The following CAST variants were observed in gnomAD, a reference collection of about 807,000 sequenced individuals.
CAST encodes calpastatin, also known as MIR583 host.
In CAST, 76 loss-of-function variants were observed where a neutral mutation model predicts 119.6. That is an observed-to-expected ratio of 0.64 (90% CI 0.53 to 0.77). CAST has a LOEUF of 0.77. Among genes scored for constraint, CAST ranks in the 30% least tolerant of loss-of-function variants. CAST has a pLI of 0.00. For synonymous variants in CAST, 319 were observed against 331.6 expected (o/e 0.96, Z 0.41); for missense variants, 953 against 946.5 (o/e 1.01, Z -0.09).
At chr5:96,405,364 A>C in the CAST span, among the ~76,000 whole-genome samples, 1 of 152,194 alleles carries the variant, frequency 6.6e-6, no homozygotes, top group African/African-American at 2.4e-5. Context: ...GCAATTCTGC[A>C]TTTAGTTGCA....
the CAST span, among the ~76,000 whole-genome samples, chr5:96,141,854 G>A: frequency 4.6e-5 from 7 of 152,170 alleles, no homozygotes; most frequent in South Asian, 2.1e-4. Flanking sequence ...GTGGAGGGGC[G>A]GCATGCGCTA....
At chr5:96,457,463 A>G in the CAST span, among the ~76,000 whole-genome samples, 1 of 152,096 alleles carries the variant, frequency 6.6e-6, no homozygotes, top group Non-Finnish European at 1.5e-5. Flanking sequence ...CAGCTCTTAG[A>G]TTGACTAACG....
the CAST span, chr5:96,394,793 G>T: frequency 2.1e-6 from 3 of 1,422,608 alleles, no homozygotes; most frequent in Non-Finnish European, 3.0e-6. Context: ...TGGAAGTTGG[G>T]TACAGCTTCA....
the CAST span, among the ~76,000 whole-genome samples, chr5:96,497,362 T>G: frequency 1.3e-5 from 2 of 152,198 alleles, no homozygotes; most frequent in African/African-American, 4.8e-5. Flanking sequence ...TTATAATCCT[T>G]TGGGTATATA....
chr5:96,467,224 G>A, the CAST span, among the ~76,000 whole-genome samples: 7 of 151,756 alleles, frequency 4.6e-5, no homozygotes. Context: ...TTGTACATTA[G>A]GGATGTTAGT....
the CAST span, among the ~76,000 whole-genome samples, chr5:96,076,098 G>A: frequency 1.3e-5 from 2 of 152,128 alleles, no homozygotes; most frequent in Non-Finnish European, 2.9e-5. Flanking sequence ...CCACGCCCTA[G>A]GTCAAGATGG....
chr5:96,127,025 G>A, the CAST span, among the ~76,000 whole-genome samples: 1 of 152,076 alleles, frequency 6.6e-6, no homozygotes, highest in Non-Finnish European at 1.5e-5. Context: ...GTATGTGGGC[G>A]ATCCAAATCT....
intron 1 of CAST, among the ~76,000 whole-genome samples, chr5:96,646,171 G>A (rs192599220): frequency 5.4e-4 from 82 of 152,232 alleles, no homozygotes; most frequent in Middle Eastern, 3.4e-3. Flanking sequence ...ATCCCACATC[G>A]TTGAACTGGT....
the CAST span, among the ~76,000 whole-genome samples, chr5:96,332,415 CTT>C: frequency 7.0e-6 from 1 of 143,266 alleles, no homozygotes; most frequent in African/African-American, 2.5e-5. Context: ...TTGATTTCGG[CTT>C]TTTTTTTTTA....
intron 1 of CAST, among the ~76,000 whole-genome samples, chr5:96,555,370 C>G (rs1408198164): frequency 1.3e-5 from 2 of 151,990 alleles, no homozygotes; most frequent in Non-Finnish European, 2.9e-5. Context: ...GAGTGTCAGA[C>G]AGTGGGTGCA....
At chr5:95,967,539 C>T in the CAST span, among the ~76,000 whole-genome samples, 2 of 152,130 alleles carry the variant, frequency 1.3e-5, no homozygotes, top group African/African-American at 2.4e-5. Context: ...GGGAGGGACC[C>T]AATGGGAGGT....
intron 1 of CAST, among the ~76,000 whole-genome samples, chr5:96,668,373 C>A (rs934910971): frequency 1.3e-5 from 2 of 152,152 alleles, no homozygotes; most frequent in Admixed American, 6.5e-5. Context: ...ATCAGATGAA[C>A]CTGATAAGGT....
At chr5:96,239,487 C>T in the CAST span, among the ~76,000 whole-genome samples, 1 of 151,824 alleles carries the variant, frequency 6.6e-6, no homozygotes, top group South Asian at 2.1e-4. Flanking sequence ...TAGATTTCTA[C>T]CTTAATGTTT....
At chr5:96,473,641 A>G in the CAST span, among the ~76,000 whole-genome samples, 3 of 152,154 alleles carry the variant, frequency 2.0e-5, no homozygotes, top group Non-Finnish European at 4.4e-5. Flanking sequence ...ATATCGGGAA[A>G]CCAATAGCAT....
At chr5:96,770,202 C>A in intron 29 of CAST, 1 of 293,766 alleles carries the variant, frequency 3.4e-6, no homozygotes, top group Non-Finnish European at 6.7e-6. Context: ...CTAGGGTTCC[C>A]TTTTCTCCAC....
At chr5:96,617,654 T>C (rs1747491450) in intron 1 of CAST, among the ~76,000 whole-genome samples, 1 of 151,132 alleles carries the variant, frequency 6.6e-6, no homozygotes, top group Non-Finnish European at 1.5e-5. Flanking sequence ...TAGCCAGGCA[T>C]GGTGGTGGGT....
chr5:96,072,660 C>T, the CAST span, among the ~76,000 whole-genome samples: 346 of 152,242 alleles, frequency 2.3e-3, 3 homozygotes, highest in Admixed American at 0.02. Flanking sequence ...TGGTGTGTTA[C>T]GCATTTGCTG....
At chr5:96,027,497 G>A in the CAST span, among the ~76,000 whole-genome samples, 1 of 151,974 alleles carries the variant, frequency 6.6e-6, no homozygotes, top group East Asian at 1.9e-4. Flanking sequence ...GAATTTAAAA[G>A]TAGAGTTCAG....
At chr5:96,534,519 A>C (rs1230401728) in intron 1 of CAST, among the ~76,000 whole-genome samples, 8 of 151,522 alleles carry the variant, frequency 5.3e-5, no homozygotes, top group Non-Finnish European at 7.4e-5. Context: ...AAATACAAAA[A>C]TTAGCCAGGT....
Sources: allele counts gnomAD v4.1 joint callset (sites outside exome capture counted in the v4.1 genomes callset), GRCh38; gene constraint gnomAD v4.1.1; transcripts MANE v1.5; gene names NCBI Gene and HGNC (gene_info 2026-07-23, HGNC 2026-07-21).